Variants in AKR1C8 observed in about 807,000 individuals in gnomAD.
AKR1C8 encodes the protein aldo-keto reductase family 1 member C-like protein 1.
the AKR1C8 span, chr10:5,123,860 A>C: frequency 1.9e-6 from 3 of 1,576,292 alleles, no homozygotes; most frequent in Admixed American, 5.2e-5. Flanking sequence ...GATAATATGA[A>C]ACAGTTATGT....
At chr10:5,150,235 AG>A in the AKR1C8 span, among the ~76,000 whole-genome samples, 1 of 152,122 alleles carries the variant, frequency 6.6e-6, no homozygotes, top group African/African-American at 2.4e-5. Flanking sequence ...TAAAGAAGCA[AG>A]TCTTGGACAA....
chr10:5,118,604 A>G, the AKR1C8 span, among the ~76,000 whole-genome samples: 1 of 152,158 alleles, frequency 6.6e-6, no homozygotes, highest in Non-Finnish European at 1.5e-5. Flanking sequence ...TTCTGTAACT[A>G]GTTTAGAGGA....
chr10:5,126,157 G>T, the AKR1C8 span, among the ~76,000 whole-genome samples: 2 of 152,132 alleles, frequency 1.3e-5, no homozygotes, highest in African/African-American at 2.4e-5. Context: ...TGGAGAAGGG[G>T]TCTTCTTTCC....
chr10:5,135,396 AG>A, the AKR1C8 span, among the ~76,000 whole-genome samples: 2 of 152,204 alleles, frequency 1.3e-5, no homozygotes, highest in Non-Finnish European at 2.9e-5. Flanking sequence ...CAGGCTATGA[AG>A]AAAATTGAAT....
At chr10:5,155,047 T>C in the AKR1C8 span, 1 of 152,062 alleles carries the variant, frequency 6.6e-6, no homozygotes, top group Non-Finnish European at 1.5e-5. Context: ...CAATTCAGCA[T>C]GGTGAGATTA....
At chr10:5,180,319 G>C in the AKR1C8 span, among the ~76,000 whole-genome samples, 4 of 152,196 alleles carry the variant, frequency 2.6e-5, no homozygotes, top group African/African-American at 9.7e-5. Context: ...GCTGCTGTCT[G>C]ATCATTCCTC....
At chr10:5,116,920 C>T in the AKR1C8 span, among the ~76,000 whole-genome samples, 1 of 152,206 alleles carries the variant, frequency 6.6e-6, no homozygotes, top group Admixed American at 6.5e-5. Context: ...ATGTTAACAT[C>T]ATTTTCCCAC....
At chr10:5,150,315 T>C in the AKR1C8 span, among the ~76,000 whole-genome samples, 1 of 152,082 alleles carries the variant, frequency 6.6e-6, no homozygotes, top group African/African-American at 2.4e-5. Context: ...ATGACAAAAT[T>C]CTTAGGATAG....
At chr10:5,164,612 G>A in the AKR1C8 span, among the ~76,000 whole-genome samples, 2 of 152,106 alleles carry the variant, frequency 1.3e-5, no homozygotes, top group African/African-American at 4.8e-5. Flanking sequence ...CAGTGAATAG[G>A]GCAGCTGCCA....
At chr10:5,154,035 C>T in the AKR1C8 span, 232 of 299,346 alleles carry the variant, frequency 7.8e-4, 1 homozygote, top group African/African-American at 4.9e-3. Context: ...AGGCAAGCAA[C>T]CTGCAACTAC....
At chr10:5,166,485 A>G in the AKR1C8 span, among the ~76,000 whole-genome samples, 2 of 152,212 alleles carry the variant, frequency 1.3e-5, no homozygotes, top group Admixed American at 6.5e-5. Flanking sequence ...ATAATGCCAC[A>G]TATCTACAAC....
chr10:5,116,446 C>T, the AKR1C8 span, among the ~76,000 whole-genome samples: 1 of 152,084 alleles, frequency 6.6e-6, no homozygotes, highest in Non-Finnish European at 1.5e-5. Context: ...ACTTCCACTT[C>T]CACCCCTTGA....
the AKR1C8 span, among the ~76,000 whole-genome samples, chr10:5,180,070 T>C: frequency 7.9e-5 from 12 of 152,196 alleles, no homozygotes; most frequent in Admixed American, 5.2e-4. Context: ...GAGTTTCCAG[T>C]TTTTCTACTC....
chr10:5,156,667 G>A, the AKR1C8 span, among the ~76,000 whole-genome samples: 4 of 152,114 alleles, frequency 2.6e-5, no homozygotes, highest in African/African-American at 9.7e-5. Context: ...GTTGTCATGA[G>A]AGCAGGTATT....
chr10:5,148,100 G>T, the AKR1C8 span, among the ~76,000 whole-genome samples: 1 of 152,080 alleles, frequency 6.6e-6, no homozygotes, highest in South Asian at 2.1e-4. Context: ...GGCTTCACAA[G>T]ACTCAAGGGA....
chr10:5,135,826 C>T, the AKR1C8 span, among the ~76,000 whole-genome samples: 94 of 152,098 alleles, frequency 6.2e-4, no homozygotes, highest in Middle Eastern at 3.4e-3. Flanking sequence ...ACATTAAAAC[C>T]AAAGAAAATT....
chr10:5,177,050 T>C, the AKR1C8 span, among the ~76,000 whole-genome samples: 2 of 152,050 alleles, frequency 1.3e-5, no homozygotes, highest in Non-Finnish European at 2.9e-5. Context: ...ATCCCTGTCT[T>C]GTGCCAGTTT....
At chr10:5,140,150 G>A in the AKR1C8 span, among the ~76,000 whole-genome samples, 1 of 152,184 alleles carries the variant, frequency 6.6e-6, no homozygotes, top group Non-Finnish European at 1.5e-5. Context: ...GGAAACAACA[G>A]ATGCTGGAGA....
At chr10:5,128,482 C>T in the AKR1C8 span, among the ~76,000 whole-genome samples, 2 of 152,006 alleles carry the variant, frequency 1.3e-5, no homozygotes, top group African/African-American at 2.4e-5. Context: ...ACTTAGAAGA[C>T]ACAGAATGGC....
Sources: gnomAD v4.1 joint callset for allele counts (sites outside exome capture counted in the v4.1 genomes callset) on GRCh38, gnomAD v4.1.1 for gene constraint, MANE v1.5 for transcripts, NCBI Gene and HGNC (gene_info 2026-07-23, HGNC 2026-07-21) for gene names.